The following PBX1 variants were observed in gnomAD, a reference collection of about 807,000 sequenced individuals.
PBX1 encodes pre-B-cell leukemia transcription factor 1.
PBX1 carries 6 observed loss-of-function variants against 53.4 expected under a neutral mutation model. The observed-to-expected ratio is 0.11, with a 90% CI of 0.06 to 0.22. The LOEUF is 0.22. Ranked by LOEUF, PBX1 falls within the 10% of genes least tolerant of loss-of-function variation. PBX1 has a pLI of 1.00. For synonymous variants in PBX1, 204 were observed against 212.3 expected, an observed-to-expected ratio of 0.96 and a Z score of 0.34; for missense variants, 251 against 551.4, an observed-to-expected ratio of 0.46 and a Z score of 5.46.
chr1:164,869,539 G>T (rs1339764564), intron 2 of PBX1, among the ~76,000 whole-genome samples: 2 of 152,162 alleles, frequency 1.3e-5, no homozygotes, highest in Non-Finnish European at 2.9e-5. Flanking sequence ...CTCATTTAAT[G>T]AGAGTTTACC....
intron 2 of PBX1, among the ~76,000 whole-genome samples, chr1:164,726,334 G>C (rs1327804524): frequency 1.3e-5 from 2 of 152,168 alleles, no homozygotes; most frequent in Non-Finnish European, 2.9e-5. Context: ...GGATGAGGAT[G>C]ATGATTCCTA....
chr1:164,726,306 T>C (rs1664697646), intron 2 of PBX1, among the ~76,000 whole-genome samples: 1 of 152,180 alleles, frequency 6.6e-6, no homozygotes, highest in South Asian at 2.1e-4. Context: ...ATGGGTTTAG[T>C]GTAGAGAAAA....
chr1:164,594,982 T>G (rs367792898), intron 2 of PBX1, among the ~76,000 whole-genome samples: 7 of 152,350 alleles, frequency 4.6e-5, no homozygotes, highest in African/African-American at 1.7e-4. Flanking sequence ...CTGTCTTCAC[T>G]CTACTGCTTT....
chr1:164,577,259 A>C (rs1160977767), intron 2 of PBX1, among the ~76,000 whole-genome samples: 1 of 152,188 alleles, frequency 6.6e-6, no homozygotes. Flanking sequence ...AACAGCACTG[A>C]CATTTGTTTT....
chr1:164,708,425 G>A (rs1395370473), intron 2 of PBX1, among the ~76,000 whole-genome samples: 1 of 152,056 alleles, frequency 6.6e-6, no homozygotes, highest in Non-Finnish European at 1.5e-5. Context: ...TTTCAGGGGG[G>A]TACATATGCA....
chr1:164,827,018 A>G (rs1670503857), intron 8 of PBX1, among the ~76,000 whole-genome samples: 1 of 152,232 alleles, frequency 6.6e-6, no homozygotes, highest in Admixed American at 6.5e-5. Flanking sequence ...GGAAAAAGGA[A>G]CATTTACCAA....
downstream of PBX1, among the ~76,000 whole-genome samples, chr1:164,853,991 C>T (rs1227277028): frequency 2.0e-5 from 3 of 151,062 alleles, no homozygotes; most frequent in East Asian, 1.9e-4. Flanking sequence ...CTGCAACCTC[C>T]ACCTCCTGGG....
chr1:164,679,938 T>C (rs1027410544), intron 2 of PBX1: 8 of 147,586 alleles, frequency 5.4e-5, no homozygotes, highest in Non-Finnish European at 1.5e-5. Flanking sequence ...TTTTTTTTTA[T>C]TTGTCTGAAA....
chr1:164,848,159 A>T lies in PBX1; in HGVS notation c.*1483A>T. 1 of 1,050,166 alleles carries T rather than the reference A, an allele frequency of 9.5e-7. No individual in the cohort carries two copies. Among genetic ancestry groups the T allele is most frequent in the Non-Finnish European group, 1.1e-6 (1 of 869,804 alleles). 65.1% of individuals were successfully genotyped at this position (1,050,166 alleles called of 1,614,324 possible). ...GGAAGGTAATGTTTTCATTGAAATC[A>T]TCACAGTGATTTTTATTCCCTGGGA... On this transcript the variant is annotated 3_prime_UTR_variant, in exon 9 of 9. Transcript: ENST00000420696.
At chr1:164,840,919 T>C (rs1473369763) in intron 8 of PBX1, among the ~76,000 whole-genome samples, 3 of 152,072 alleles carry the variant, frequency 2.0e-5, no homozygotes, top group Non-Finnish European at 4.4e-5. Flanking sequence ...TCCATGCCCA[T>C]GTTGGGGGAT....
intron 2 of PBX1, among the ~76,000 whole-genome samples, chr1:164,791,428 G>A (rs1000121584): frequency 6.6e-6 from 1 of 152,144 alleles, no homozygotes; most frequent in Non-Finnish European, 1.5e-5. Flanking sequence ...TTTCCAACAG[G>A]ACAGAGTCCT....
At chr1:164,662,003 C>T (rs1660518859) in intron 2 of PBX1, among the ~76,000 whole-genome samples, 1 of 152,070 alleles carries the variant, frequency 6.6e-6, no homozygotes, top group Admixed American at 6.6e-5. Context: ...CAATTCTTCC[C>T]AGACTTGAAG....
rs542887735 is a variant in PBX1, at chr1:164,822,099, G to T, written c.1200+473G>T. The stretch of plus-strand genomic sequence containing the variant: ...TAACACAGAAGCTGGGTATGTAGAA[G>T]GGATGGGGAGGGATGCAGACCATCT... On this transcript the variant is annotated intron_variant, in intron 8 of 8. Coordinates refer to ENST00000420696, the MANE Select transcript of PBX1 (RefSeq NM_002585.4). Among the ~76,000 whole-genome samples, 16 of 152,234 alleles carry T rather than the reference G, an allele frequency of 1.1e-4. No homozygotes were observed. The South Asian group carries it at 3.3e-3, about 32-fold the overall frequency.
At chr1:164,590,182 A>C (rs534718754) in intron 2 of PBX1, among the ~76,000 whole-genome samples, 11 of 151,166 alleles carry the variant, frequency 7.3e-5, no homozygotes, top group Admixed American at 2.0e-4. Flanking sequence ...GCTGTGCTCC[A>C]GCCTGGGCAA....
chr1:164,820,168 C>T lies in PBX1; in HGVS notation c.1094C>T (p.Ala365Val). 6.2e-7 allele frequency: 1 copy of T among 1,609,032 alleles called. No homozygotes were observed. Among genetic ancestry groups the T allele is most frequent in the African/African-American group, 1.3e-5 (1 of 74,856 alleles). ...GDSYQGAQVG[A>V]NVQSQVDTLR... ...TCTTACCAAGGGGCCCAGGTTGGAG[C>T]CAACGTGCAATCACAGGTAGGGACC... The change falls in exon 7 of 9, where the codon GCC becomes GTC. Residue 365 changes from alanine to valine, a missense_variant. Transcript: ENST00000420696.
At chr1:164,655,978 A>G (rs1235223097) in intron 2 of PBX1, among the ~76,000 whole-genome samples, 1 of 152,092 alleles carries the variant, frequency 6.6e-6, no homozygotes, top group African/African-American at 2.4e-5. Flanking sequence ...TCACCATAAC[A>G]TGAATAGATG....
At chr1:164,675,260 T>A (rs1218106973) in intron 2 of PBX1, among the ~76,000 whole-genome samples, 3 of 152,208 alleles carry the variant, frequency 2.0e-5, no homozygotes, top group African/African-American at 7.2e-5. Flanking sequence ...CTTCTAGATC[T>A]TTATTCTACC....
Position 164,846,680 on chromosome 1 carries a change from C to A in PBX1, c.*4C>A, listed in dbSNP as rs762505114. The A allele has an allele frequency of 5.6e-6, 9 of 1,614,098 alleles. No homozygotes were observed. The Admixed American group carries it at 1.3e-4, about 24-fold the overall frequency. ...TCACTCTGATACCTCCAACTGATCT[C>A]CCAGCAATCGCATCCCGGCTGACCC... On this transcript the variant is annotated 3_prime_UTR_variant, in exon 9 of 9. Coordinates refer to ENST00000420696, the MANE Select transcript of PBX1 (RefSeq NM_002585.4).
rs752684333 is a variant in PBX1, at chr1:164,563,218, A to G, written c.192-20A>G. On this transcript the variant is annotated intron_variant, in intron 1 of 8. Transcript: ENST00000420696. ...ATCTTGAGAGTCCACCTAAGCTATC[A>G]TGTTGTTTCTTTCTTGCAGAAAACA... The G allele has an allele frequency of 5.7e-6, 9 of 1,580,986 alleles. No individual in the cohort carries two copies. Among genetic ancestry groups the G allele is most frequent in the South Asian group, 4.5e-5 (4 of 89,536 alleles).
Sources: gnomAD v4.1 joint callset for allele counts (sites outside exome capture counted in the v4.1 genomes callset) on GRCh38, gnomAD v4.1.1 for gene constraint, MANE v1.5 for transcripts, NCBI Gene and HGNC (gene_info 2026-07-23, HGNC 2026-07-21) for gene names.